The following CNNM3 variants were observed in gnomAD, a reference collection of about 807,000 sequenced individuals.
CNNM3 encodes the protein cyclin and CBS domain divalent metal cation transport mediator 3.
Under a neutral mutation model 57.1 loss-of-function variants are expected in CNNM3, and 47 were observed. The observed-to-expected ratio is 0.82, with a 90% confidence interval of 0.65 to 1.05. CNNM3 has a LOEUF of 1.05. Ranked by LOEUF, CNNM3 falls within the 50% of genes least tolerant of loss-of-function variation. The pLI, the probability that CNNM3 is intolerant of heterozygous loss-of-function variation, is 0.00. For synonymous variants in CNNM3, 507 were observed against 478.2 expected, an observed-to-expected ratio of 1.06 and a Z score of -0.79; for missense variants, 957 against 973.7, an observed-to-expected ratio of 0.98 and a Z score of 0.23.
chr2:96,830,017 G>A (rs1308237036), intron 7 of CNNM3, among the ~76,000 whole-genome samples: 1 of 152,216 alleles, frequency 6.6e-6, no homozygotes, highest in Non-Finnish European at 1.5e-5. Flanking sequence ...CGAACTAAAG[G>A]TTGTGGGATA....
Position 96,828,209 on chromosome 2 carries a change from C to T in CNNM3, c.1786+14C>T, listed in dbSNP as rs760160498. 6.9e-6 allele frequency: 11 copies of T among 1,605,386 alleles called. No individual in the cohort carries two copies. In the Admixed American group the frequency reaches 1.8e-4, roughly 27 times the overall value. ...TGCCATCCTCGGGTAAGCCACGGCC[C>T]TGCTGATGCTGAGGGCCAGGGTGGA... is the stretch of plus-strand genomic sequence containing the variant. On this transcript the variant is annotated intron_variant, in intron 5 of 7. Transcript: ENST00000305510.
At chr2:96,823,000 C>T (rs1261325967) in intron 1 of CNNM3, among the ~76,000 whole-genome samples, 1 of 152,108 alleles carries the variant, frequency 6.6e-6, no homozygotes, top group Non-Finnish European at 1.5e-5. Flanking sequence ...GTGAGTGGTT[C>T]CACTCTGGTG....
At chr2:96,824,640 C>G (rs900940464) in intron 1 of CNNM3, 5 of 195,104 alleles carry the variant, frequency 2.6e-5, no homozygotes, top group Non-Finnish European at 5.4e-5. Flanking sequence ...TGGACTGTCG[C>G]AGGAGAGCCT....
chr2:96,827,992 C>T (rs1383153995), intron 4 of CNNM3, 92 bp downstream of exon 4: 2 of 1,551,402 alleles, frequency 1.3e-6, no homozygotes, highest in Non-Finnish European at 1.8e-6. Flanking sequence ...TGCGGATATG[C>T]ACCCTCCCAC....
chr2:96,834,820 TGCCATACTGCA>T lies in CNNM3; in HGVS notation c.*2205_*2215del, dbSNP rs1174750431. Among the ~76,000 whole-genome samples the T allele has an allele frequency of 6.6e-6, 1 of 152,246 alleles. No homozygotes were observed. Reference sequence around the variant, plus strand: ...TTCTGCTGCAGCAGCCAATCCAGGATGCCATACTGCACTTAGAGCTGTTGCTTTCTTTTTTC... The same window carrying T: ...TTCTGCTGCAGCAGCCAATCCAGGATCTTAGAGCTGTTGCTTTCTTTTTTC... On this transcript the variant is annotated 3_prime_UTR_variant, in exon 8 of 8. Transcript: ENST00000305510.
intron 1 of CNNM3, 128 bp from the exon 2 acceptor site, chr2:96,824,930 G>C (rs373685323): frequency 2.0e-6 from 2 of 991,042 alleles, no homozygotes; most frequent in Non-Finnish European, 3.0e-6. Flanking sequence ...AAAGAGTGTG[G>C]CTCTGTGCCT....
chr2:96,823,134 T>C (rs2079436018), intron 1 of CNNM3, among the ~76,000 whole-genome samples: 1 of 152,218 alleles, frequency 6.6e-6, no homozygotes, highest in Non-Finnish European at 1.5e-5. Flanking sequence ...ACACGACCAC[T>C]GTTCCAGGGG....
In CNNM3 at chr2:96,826,999, G is replaced by A. The variant is rs776023023; in HGVS notation, c.1519+17G>A. On this transcript the variant is annotated intron_variant, in intron 3 of 7. Transcript: ENST00000305510. ...TGTCCCGAGGTGAGGCGGGAGGGTGGTCCATGCCCCCTGCTCTCCTCACCG... is the reference window on the plus strand; with the variant it reads ...TGTCCCGAGGTGAGGCGGGAGGGTGATCCATGCCCCCTGCTCTCCTCACCG... 5.6e-6 allele frequency: 9 copies of A among 1,611,896 alleles called. No homozygotes were observed. The African/African-American group carries it at 1.1e-4, about 19-fold the overall frequency.
At chr2:96,830,027 A>G (rs1220399773) in intron 7 of CNNM3, among the ~76,000 whole-genome samples, 1 of 152,206 alleles carries the variant, frequency 6.6e-6, no homozygotes, top group African/African-American at 2.4e-5. Context: ...GTTGTGGGAT[A>G]TGGAACCCCA....
chr2:96,822,005 ATTTT>A (rs1201423556), intron 1 of CNNM3, among the ~76,000 whole-genome samples: 2 of 142,404 alleles, frequency 1.4e-5, no homozygotes, highest in African/African-American at 2.5e-5. Flanking sequence ...TATTATTATT[ATTTT>A]TTTTTTTTTT....
chr2:96,832,713 C>G lies in CNNM3; in HGVS notation c.*97C>G. The G allele has an allele frequency of 6.3e-7, 1 of 1,583,604 alleles. No homozygotes were observed. Among genetic ancestry groups the G allele is most frequent in the Non-Finnish European group, 8.6e-7 (1 of 1,169,540 alleles). ...TTTTGTGCCCGCCTGCCCCCATCCC[C>G]TCCAGGCCACGTTTTAGATGGCCCT... On this transcript the variant is annotated 3_prime_UTR_variant, in exon 8 of 8. Transcript: ENST00000305510.
In CNNM3 at chr2:96,816,895, G is replaced by T; in HGVS notation, c.618G>T (p.Gln206His). ...GALLLLASLA[Q>H]AALAVLLYRA... ...TGCTGCTGCTGGCCAGCCTGGCGCA[G>T]GCGGCGCTGGCGGTGCTGCTGTACC... The change falls in exon 1 of 8, where the codon CAG (glutamine) becomes CAT (histidine). Residue 206 changes from glutamine to histidine, a missense_variant. This residue lies in a region of CNNM3 where 466 missense variants were observed against 403.1 expected (regional missense o/e 1.16). Coordinates refer to ENST00000305510, the MANE Select transcript of CNNM3 (RefSeq NM_017623.5). 8.9e-7 allele frequency: 1 copy of T among 1,121,838 alleles called. No individual in the cohort carries two copies. Among genetic ancestry groups the T allele is most frequent in the Non-Finnish European group, 1.1e-6 (1 of 920,888 alleles). The allele number at this position is 1,121,838 out of a possible 1,614,324, so 69.5% of individuals were successfully genotyped here.
In CNNM3 at chr2:96,833,812, A is replaced by C. The variant is rs1334745076; in HGVS notation, c.*1196A>C. On this transcript the variant is annotated 3_prime_UTR_variant, in exon 8 of 8. Coordinates refer to ENST00000305510, the MANE Select transcript of CNNM3 (RefSeq NM_017623.5). ...CCCTTATAAATGGGACTGAAGGTCA[A>C]AACAACAGTGATATCCTTGCTTAGA... 6.6e-6 allele frequency: 1 copy of C among 152,274 alleles called. No homozygotes were observed. The highest frequency in any genetic ancestry group is 2.4e-5 in the African/African-American group (1 of 41,466). The allele number at this position is 152,274 out of a possible 1,614,324, so 9.4% of individuals were successfully genotyped here. A position where few individuals can be genotyped will look rare whatever the true frequency, so the allele number is the denominator to read the frequency against.
intron 2 of CNNM3, 23 bp from the exon 3 acceptor site, chr2:96,826,810 C>CGGCG: frequency 1.2e-6 from 2 of 1,613,134 alleles, no homozygotes; most frequent in Non-Finnish European, 1.7e-6. Context: ...GATGCCTGAG[C>CGGCG]GCGCCCTCTT....
At chr2:96,824,895 T>C in intron 1 of CNNM3, 163 bp from the exon 2 acceptor site, 1 of 719,730 alleles carries the variant, frequency 1.4e-6, no homozygotes, top group Non-Finnish European at 2.3e-6. Flanking sequence ...ATAATCACGC[T>C]GGGAGTCTTA....
In CNNM3 at chr2:96,835,115, C is replaced by A. The variant is rs12172; in HGVS notation, c.*2499C>A. Among the ~76,000 whole-genome samples, 57 of 152,162 alleles carry A rather than the reference C, an allele frequency of 3.7e-4. 1 individual carries two copies. Among genetic ancestry groups the A allele is most frequent in the Non-Finnish European group, 1.0e-4 (7 of 68,026 alleles). ...ATCTCCCTCCCCACCTTCCCTAACTCCTGGTAACCACTAATCGTTCATCTC... is the reference window on the plus strand; with the variant it reads ...ATCTCCCTCCCCACCTTCCCTAACTACTGGTAACCACTAATCGTTCATCTC... On this transcript the variant is annotated 3_prime_UTR_variant, in exon 8 of 8. Coordinates refer to ENST00000305510, the MANE Select transcript of CNNM3 (RefSeq NM_017623.5).
rs963509898 is a variant in CNNM3 at position 96,833,080 on chromosome 2, C to T, written c.*464C>T. 1.7e-5 allele frequency: 21 copies of T among 1,202,326 alleles called. No individual in the cohort carries two copies. The African/African-American group carries it at 2.8e-4, about 16-fold the overall frequency. 74.5% of individuals were successfully genotyped at this position (1,202,326 alleles called of 1,614,324 possible). On this transcript the variant is annotated 3_prime_UTR_variant, in exon 8 of 8. Transcript: ENST00000305510. ...GCACTTTTTGAGCAAGCCGAGAGCA[C>T]CCATTTTGGCTGGGGGTTCAGATCG...
Position 96,817,000 on chromosome 2 carries a change from C to T in CNNM3, c.723C>T (p.Ala241=). The T allele has an allele frequency of 3.7e-6, 5 of 1,367,816 alleles. No homozygotes were observed. The highest frequency in any genetic ancestry group is 4.7e-6 in the Non-Finnish European group (5 of 1,054,564). 84.7% of individuals were successfully genotyped at this position (1,367,816 alleles called of 1,614,324 possible). ...LVFLVGEVVP[A]AVSGRWTLAL... ...TCCTGGTGGGAGAGGTGGTGCCGGC[C>T]GCCGTGAGCGGGCGCTGGACGCTGG... Residue 241 remains alanine, a synonymous_variant, in exon 1 of 8, where the codon GCC becomes GCT. Coordinates refer to ENST00000305510, the MANE Select transcript of CNNM3 (RefSeq NM_017623.5).
chr2:96,828,172 C>T lies in CNNM3; in HGVS notation c.1763C>T (p.Ser588Leu), dbSNP rs768527316. 5.4e-5 allele frequency: 87 copies of T among 1,613,868 alleles called. No homozygotes were observed. The highest frequency in any genetic ancestry group is 6.1e-5 in the Non-Finnish European group (72 of 1,179,980). ...ENGAFTYYGV[S>L]ALTVPSSVHQ... ...GGGGCCTTCACGTACTATGGAGTGT[C>T]GGCCCTAACTGTGCCATCCTCGGGT... The change falls in exon 5 of 8, where the codon TCG (serine) becomes TTG (leucine). Residue 588 changes from serine to leucine, a missense_variant. Coordinates refer to ENST00000305510, the MANE Select transcript of CNNM3 (RefSeq NM_017623.5).
Sources: allele counts gnomAD v4.1 joint callset (sites outside exome capture counted in the v4.1 genomes callset), GRCh38; gene constraint gnomAD v4.1.1; regional missense constraint gnomAD v4.1.1; transcripts MANE v1.5; gene names NCBI Gene and HGNC (gene_info 2026-07-23, HGNC 2026-07-21).